KATNAL1: variants seen among roughly 807,000 people sequenced by gnomAD.
KATNAL1 encodes the protein katanin p60 ATPase-containing subunit A-like 1.
Under a neutral mutation model 55.2 loss-of-function variants are expected in KATNAL1, and 32 were observed. The ratio of observed to expected loss-of-function variants is 0.58; its 90% CI spans 0.44 to 0.78. The LOEUF (loss-of-function observed/expected upper bound fraction) is 0.78, where lower values mean the gene tolerates loss of function less well. Among genes scored for constraint, KATNAL1 ranks in the 30% least tolerant of loss-of-function variants. The probability of loss-of-function intolerance (pLI) is 0.00; values close to 1 mark genes in which losing one functional copy is unlikely to be tolerated. For synonymous variants in KATNAL1, 193 were observed against 193.6 expected (o/e 1.00, Z 0.02); for missense variants, 466 against 600.9 (o/e 0.78, Z 2.35).
intron 9 of KATNAL1, among the ~76,000 whole-genome samples, chr13:30,222,063 A>T (rs1169271215): frequency 1.3e-5 from 2 of 152,164 alleles, no homozygotes; most frequent in Non-Finnish European, 2.9e-5. Context: ...GAAAGAAAAA[A>T]GAAAAAGAAA....
intron 3 of KATNAL1, among the ~76,000 whole-genome samples, chr13:30,272,884 G>A (rs1423726456): frequency 6.6e-6 from 1 of 152,182 alleles, no homozygotes; most frequent in Non-Finnish European, 1.5e-5. Flanking sequence ...CTCAATCTCA[G>A]ATAGTCTTGC....
chr13:30,261,822 C>T (rs1334957796), intron 3 of KATNAL1, among the ~76,000 whole-genome samples: 1 of 151,964 alleles, frequency 6.6e-6, no homozygotes, highest in Non-Finnish European at 1.5e-5. Context: ...GACAGAAAGT[C>T]AACAAGGATA....
At chr13:30,227,025 G>A (rs183173861) in intron 9 of KATNAL1, among the ~76,000 whole-genome samples, 1 of 152,234 alleles carries the variant, frequency 6.6e-6, no homozygotes, top group East Asian at 1.9e-4. Context: ...GCAGTGACCT[G>A]AGATCATGCC....
At chr13:30,235,407 T>C (rs1876551449) in intron 6 of KATNAL1, among the ~76,000 whole-genome samples, 1 of 152,162 alleles carries the variant, frequency 6.6e-6, no homozygotes, top group South Asian at 2.1e-4. Context: ...GAGTAAGAAC[T>C]TGCTCATTAC....
At chr13:30,238,841 A>C (rs1000123604) in intron 6 of KATNAL1, among the ~76,000 whole-genome samples, 1 of 152,220 alleles carries the variant, frequency 6.6e-6, no homozygotes, top group African/African-American at 2.4e-5. Flanking sequence ...TGACGGATAA[A>C]GGAATGGTAT....
Position 30,274,921 on chromosome 13 carries a change from A to G in KATNAL1, c.323+5142T>C, listed in dbSNP as rs1029341623. Among the ~76,000 whole-genome samples the G allele has an allele frequency of 4.1e-3, 610 of 148,210 alleles. 5 individuals are homozygous for G. Among genetic ancestry groups the G allele is most frequent in the African/African-American group, 0.011 (439 of 40,290 alleles). The stretch of plus-strand genomic sequence containing the variant: ...CGCGCGCGCGCGCACACACACACAC[A>G]CACACACACACACACACACACACAC... On this transcript the variant is annotated intron_variant, in intron 3 of 10. Coordinates refer to ENST00000380615, the MANE Select transcript of KATNAL1 (RefSeq NM_032116.5).
At chr13:30,271,925 C>G (rs1038532116) in intron 3 of KATNAL1, among the ~76,000 whole-genome samples, 5 of 146,494 alleles carry the variant, frequency 3.4e-5, no homozygotes, top group Admixed American at 6.8e-5. Context: ...GTCACAGAAG[C>G]CTTAGGAGGG....
In KATNAL1 at chr13:30,280,180, A is replaced by G; in HGVS notation, c.206T>C (p.Ile69Thr). 1.9e-6 allele frequency: 3 copies of G among 1,612,358 alleles called. No individual in the cohort carries two copies. Among genetic ancestry groups the G allele is most frequent in the Non-Finnish European group, 2.5e-6 (3 of 1,179,386 alleles). The change falls in exon 3 of 11, where the codon ATT (isoleucine) becomes ACT (threonine). Residue 69 changes from isoleucine (I) to threonine (T), a missense_variant. Ile to Thr is a moderately conservative substitution (Grantham distance 89). This residue lies in a region of KATNAL1 where 248 missense variants were observed against 275.5 expected (regional missense o/e 0.90). Transcript: ENST00000380615. ...TTTAAAACTTTCTAAAGTGCTGACA[A>G]TACTTTTAACTTGTTCATATTCCTC... Reference protein sequence around the residue: ...LLEEYEQVKSIVSTLESFKID... With the variant: ...LLEEYEQVKSTVSTLESFKID...
rs184762424 is a variant in KATNAL1 at position 30,229,900 on chromosome 13, T to C, written c.1012+568A>G. The stretch of plus-strand genomic sequence containing the variant: ...GATAAATTCATTACTTATTTACATA[T>C]GTTTATGAAAAGTATGTTTTCCAAA... On this transcript the variant is annotated intron_variant, in intron 8 of 10. Coordinates refer to ENST00000380615, the MANE Select transcript of KATNAL1 (RefSeq NM_032116.5). 5.9e-5 allele frequency among the ~76,000 whole-genome samples: 9 copies of C among 151,444 alleles called. No homozygotes were observed. In the East Asian group the frequency reaches 1.7e-3, roughly 29 times the overall value.
At chr13:30,292,815 G>A (rs1008679468) in intron 1 of KATNAL1, among the ~76,000 whole-genome samples, 2 of 152,084 alleles carry the variant, frequency 1.3e-5, no homozygotes, top group South Asian at 2.1e-4. Context: ...ATACTTCCAT[G>A]AGAATTTGCC....
intron 1 of KATNAL1, among the ~76,000 whole-genome samples, chr13:30,289,767 C>T (rs189008524): frequency 1.3e-5 from 2 of 152,244 alleles, no homozygotes; most frequent in East Asian, 1.9e-4. Context: ...TAAAATGTCA[C>T]AGCACAGTGA....
At position 30,204,203 on chromosome 13, in the gene KATNAL1, C is replaced by T. The variant is rs1593811169; in HGVS notation, c.*4337G>A. 6.6e-6 allele frequency: 1 copy of T among 152,264 alleles called. No individual in the cohort carries two copies. Among genetic ancestry groups the T allele is most frequent in the East Asian group, 1.9e-4 (1 of 5,180 alleles). The allele number at this position is 152,264 out of a possible 1,614,324, so 9.4% of individuals were successfully genotyped here. A position where few individuals can be genotyped will look rare whatever the true frequency, so the allele number is the denominator to read the frequency against. Reference sequence around the variant, plus strand: ...GAATAGTTAGGATTTTTTCCTCATACAAGTTAAGGTGGCCTTTTCTTGGAA... The same window carrying T: ...GAATAGTTAGGATTTTTTCCTCATATAAGTTAAGGTGGCCTTTTCTTGGAA... On this transcript the variant is annotated 3_prime_UTR_variant, in exon 11 of 11. Coordinates refer to ENST00000380615, the MANE Select transcript of KATNAL1 (RefSeq NM_032116.5).
intron 4 of KATNAL1, among the ~76,000 whole-genome samples, chr13:30,250,384 G>A (rs1234596777): frequency 1.3e-5 from 2 of 152,080 alleles, no homozygotes; most frequent in African/African-American, 4.8e-5. Context: ...TGTTTTTATT[G>A]TTTCATTATC....
chr13:30,249,004 A>G (rs1878050604), intron 4 of KATNAL1, among the ~76,000 whole-genome samples: 1 of 151,704 alleles, frequency 6.6e-6, no homozygotes, highest in African/African-American at 2.4e-5. Context: ...GCTTGCAGTG[A>G]GCCCAGATGG....
At chr13:30,275,809 A>C (rs1459684680) in intron 3 of KATNAL1, among the ~76,000 whole-genome samples, 4 of 152,158 alleles carry the variant, frequency 2.6e-5, no homozygotes, top group African/African-American at 9.7e-5. Context: ...TCAAATAATC[A>C]ACCTGTATAC....
rs113171043 is a variant in KATNAL1, at chr13:30,276,379, T to C, written c.323+3684A>G. ...GTAGTCAGCAATAGGAATGGAGAAG[T>C]GTGTGTTAAAAGTCAATGAAGTGAA... On this transcript the variant is annotated intron_variant, in intron 3 of 10. Transcript: ENST00000380615. Among the ~76,000 whole-genome samples the C allele has an allele frequency of 4.1e-3, 624 of 151,826 alleles. 7 individuals are homozygous for C. The highest frequency in any genetic ancestry group is 0.014 in the African/African-American group (599 of 41,438).
At chr13:30,246,844 C>T (rs190702776) in intron 4 of KATNAL1, among the ~76,000 whole-genome samples, 5 of 151,842 alleles carry the variant, frequency 3.3e-5, no homozygotes, top group African/African-American at 1.2e-4. Context: ...CAATGAGATA[C>T]CATCTCACAC....
In KATNAL1 at chr13:30,302,676, T is replaced by C. The variant is rs562678365; in HGVS notation, c.-15+4655A>G. Among the ~76,000 whole-genome samples, 6 of 152,350 alleles carry C rather than the reference T, an allele frequency of 3.9e-5. No individual in the cohort carries two copies. The South Asian group carries it at 1.2e-3, about 32-fold the overall frequency. ...CTAAGAAAATAAGAAATAAAATACA[T>C]TGTTTTTTGGAGATGATTTCCTTAA... On this transcript the variant is annotated intron_variant, in intron 1 of 10. Coordinates refer to ENST00000380615, the MANE Select transcript of KATNAL1 (RefSeq NM_032116.5).
At chr13:30,256,271 A>G (rs990564933) in intron 3 of KATNAL1, among the ~76,000 whole-genome samples, 34 of 152,134 alleles carry the variant, frequency 2.2e-4, no homozygotes, top group Middle Eastern at 3.4e-3. Context: ...AATACATATA[A>G]GTATGCATGC....
Sources: gnomAD v4.1 joint callset for allele counts (sites outside exome capture counted in the v4.1 genomes callset) on GRCh38, gnomAD v4.1.1 for gene constraint, gnomAD v4.1.1 regional missense constraint, MANE v1.5 for transcripts, NCBI Gene and HGNC (gene_info 2026-07-23, HGNC 2026-07-21) for gene names.